SRPK2: variants seen among roughly 807,000 people sequenced by gnomAD.
The protein encoded by SRPK2 is SFRS protein kinase 2.
SRPK2 carries 21 observed loss-of-function variants against 90.8 expected under a neutral mutation model. The observed-to-expected ratio is 0.23, with a 90% CI of 0.16 to 0.33. The LOEUF (loss-of-function observed/expected upper bound fraction) is 0.33. Ranked by LOEUF, SRPK2 falls within the 10% of genes least tolerant of loss-of-function variation. The pLI is 1.00. For synonymous variants in SRPK2, 288 were observed against 311.1 expected (o/e 0.93, Z 0.78); for missense variants, 620 against 869.0 (o/e 0.71, Z 3.60).
intron 2 of SRPK2, among the ~76,000 whole-genome samples, chr7:105,292,135 C>A (rs1281169458): frequency 6.6e-6 from 1 of 152,182 alleles, no homozygotes; most frequent in African/African-American, 2.4e-5. Flanking sequence ...TCTTGACAGT[C>A]ATATGTTCAT....
At chr7:105,367,856 A>T (rs905813002) in intron 2 of SRPK2, among the ~76,000 whole-genome samples, 1 of 152,210 alleles carries the variant, frequency 6.6e-6, no homozygotes, top group African/African-American at 2.4e-5. Context: ...AAATATTTCT[A>T]GGGTACATAG....
intron 2 of SRPK2, among the ~76,000 whole-genome samples, chr7:105,365,487 CAA>C (rs374198950): frequency 1.9e-4 from 13 of 69,672 alleles, no homozygotes; most frequent in East Asian, 1.3e-3. Flanking sequence ...AATTCTGTCT[CAA>C]AAAAAAAAAA....
chr7:105,241,689 G>C (rs1053585656), intron 2 of SRPK2, among the ~76,000 whole-genome samples: 2 of 151,898 alleles, frequency 1.3e-5, no homozygotes, highest in Non-Finnish European at 2.9e-5. Flanking sequence ...CTATCATCAC[G>C]CAACAATCTA....
intron 7 of SRPK2, among the ~76,000 whole-genome samples, chr7:105,159,448 C>CAAAAAAAAAAAAAA (rs765544583): frequency 0.019 from 619 of 33,106 alleles, 135 homozygotes; most frequent in South Asian, 0.029. Context: ...ACTCCGTCTC[C>CAAAAAAAAAAAAAA]AAAAAAAAAA....
At chr7:105,356,167 C>T (rs1170660058) in intron 2 of SRPK2, among the ~76,000 whole-genome samples, 1 of 152,188 alleles carries the variant, frequency 6.6e-6, no homozygotes, top group Admixed American at 6.6e-5. Flanking sequence ...TTCAATACCT[C>T]TATTTCACAT....
At chr7:105,303,559 A>G (rs916317476) in intron 2 of SRPK2, among the ~76,000 whole-genome samples, 11 of 152,136 alleles carry the variant, frequency 7.2e-5, no homozygotes, top group African/African-American at 2.7e-4. Context: ...AGAGCTCTTA[A>G]TTTTCATATT....
intron 13 of SRPK2, 140 bp downstream of exon 13, chr7:105,132,651 T>C (rs1802180863): frequency 1.2e-5 from 8 of 655,298 alleles, no homozygotes; most frequent in Non-Finnish European, 2.1e-5. Flanking sequence ...GGCAGCAACC[T>C]TCCCCTCACC....
At chr7:105,264,881 C>T (rs1804824748) in intron 2 of SRPK2, among the ~76,000 whole-genome samples, 1 of 152,166 alleles carries the variant, frequency 6.6e-6, no homozygotes, top group Non-Finnish European at 1.5e-5. Flanking sequence ...CTCCTCAGCC[C>T]TCCTTGGGTT....
intron 2 of SRPK2, among the ~76,000 whole-genome samples, chr7:105,287,385 T>C (rs1808302434): frequency 1.3e-5 from 2 of 151,970 alleles, no homozygotes; most frequent in Admixed American, 1.3e-4. Flanking sequence ...CTATCATTGT[T>C]ATAGATATTT....
rs1217871016 is a variant in SRPK2, at chr7:105,388,833, G to A, written c.-27C>T. Reference sequence around the variant, plus strand: ...CCGACGCGGCGGAAGCGGGGCGGGGGGCTTCGCGACGGCGACGCGGGCGCC... The same window carrying A: ...CCGACGCGGCGGAAGCGGGGCGGGGAGCTTCGCGACGGCGACGCGGGCGCC... On this transcript the variant is annotated 5_prime_UTR_variant, in exon 1 of 16. Transcript: ENST00000393651. The A allele has an allele frequency of 3.7e-6, 5 of 1,341,914 alleles. No individual in the cohort carries two copies. The highest frequency in any genetic ancestry group is 1.5e-5 in the African/African-American group (1 of 65,266). 83.1% of individuals were successfully genotyped at this position (1,341,914 alleles called of 1,614,324 possible).
intron 2 of SRPK2, among the ~76,000 whole-genome samples, chr7:105,316,864 A>G (rs1388514777): frequency 6.6e-6 from 1 of 152,090 alleles, no homozygotes; most frequent in Non-Finnish European, 1.5e-5. Flanking sequence ...AACCCTCAAG[A>G]CCTGTTTATC....
intron 3 of SRPK2, among the ~76,000 whole-genome samples, chr7:105,170,275 C>G (rs1436137017): frequency 4.6e-5 from 7 of 152,142 alleles, no homozygotes; most frequent in Non-Finnish European, 4.4e-5. Context: ...ATTCTGCATA[C>G]ATTAATGGTT....
intron 2 of SRPK2, among the ~76,000 whole-genome samples, chr7:105,260,624 G>T (rs1022697093): frequency 1.3e-5 from 2 of 152,110 alleles, no homozygotes; most frequent in African/African-American, 4.8e-5. Context: ...CAAAGACTTG[G>T]AACCAACCCA....
intron 2 of SRPK2, among the ~76,000 whole-genome samples, chr7:105,270,500 C>T (rs1486948428): frequency 2.6e-5 from 4 of 151,568 alleles, no homozygotes; most frequent in Admixed American, 6.6e-5. Context: ...CTCCGCCTCC[C>T]GGGTTCAAGC....
At chr7:105,329,014 C>T (rs1311384686) in intron 2 of SRPK2, among the ~76,000 whole-genome samples, 1 of 152,026 alleles carries the variant, frequency 6.6e-6, no homozygotes, top group Non-Finnish European at 1.5e-5. Flanking sequence ...AACCCCATCC[C>T]TTAAAAAATA....
chr7:105,311,413 T>C (rs1811696115), intron 2 of SRPK2, among the ~76,000 whole-genome samples: 1 of 152,130 alleles, frequency 6.6e-6, no homozygotes, highest in Non-Finnish European at 1.5e-5. Context: ...TTTGTATTTT[T>C]AGTAGAGACA....
chr7:105,329,453 C>T (rs954827835), intron 2 of SRPK2, among the ~76,000 whole-genome samples: 1 of 151,976 alleles, frequency 6.6e-6, no homozygotes, highest in African/African-American at 2.4e-5. Context: ...ATTAGCCTGG[C>T]ATGGTGGTGA....
intron 2 of SRPK2, among the ~76,000 whole-genome samples, chr7:105,267,905 A>G (rs1367282195): frequency 1.3e-5 from 2 of 152,210 alleles, no homozygotes; most frequent in East Asian, 3.8e-4. Context: ...TACCTTAAGT[A>G]TAAAATATCA....
intron 2 of SRPK2, among the ~76,000 whole-genome samples, chr7:105,343,197 C>G (rs1370858743): frequency 9.2e-5 from 14 of 152,106 alleles, no homozygotes; most frequent in Non-Finnish European, 2.9e-5. Context: ...ATTAGGGAGG[C>G]AAAGGTGGGA....
Sources: gnomAD v4.1 joint callset for allele counts (sites outside exome capture counted in the v4.1 genomes callset) on GRCh38, gnomAD v4.1.1 for gene constraint, MANE v1.5 for transcripts, NCBI Gene and HGNC (gene_info 2026-07-23, HGNC 2026-07-21) for gene names.